GLIS3: variants seen among roughly 807,000 people sequenced by gnomAD.
The protein encoded by GLIS3 is zinc finger protein GLIS3.
In GLIS3, 53 loss-of-function variants were observed where a neutral mutation model predicts 78.6. The observed-to-expected ratio is 0.67, with a 90% CI of 0.54 to 0.85. GLIS3 has a LOEUF of 0.85. Among genes scored for constraint, GLIS3 ranks in the 40% least tolerant of loss-of-function variants. The probability of loss-of-function intolerance (pLI) is 0.00; values close to 1 mark genes in which losing one functional copy is unlikely to be tolerated. For missense variants in GLIS3, 1,703 were observed against 1,231.1 expected (o/e 1.38, Z -5.74); for synonymous variants, 684 against 509.9 (o/e 1.34, Z -4.60).
intron 2 of GLIS3, among the ~76,000 whole-genome samples, chr9:4,220,433 T>C (rs568590420): frequency 6.6e-6 from 1 of 152,318 alleles, no homozygotes; most frequent in Admixed American, 6.5e-5. Flanking sequence ...GCACACAGTA[T>C]CTTAGCCAAG....
In GLIS3 at chr9:4,059,316, C is replaced by A. The variant is rs534861188; in HGVS notation, c.1710+58452G>T. On this transcript the variant is annotated intron_variant, in intron 4 of 10. Transcript: ENST00000381971. ...CTGCTTTTTAAGTCATTAAAATATT[C>A]TCTTTGTTCTCCACTACACTCCTGG... is the stretch of plus-strand genomic sequence containing the variant. Among the ~76,000 whole-genome samples the A allele has an allele frequency of 1.6e-3, 249 of 151,216 alleles. 1 individual carries two copies. Among genetic ancestry groups the A allele is most frequent in the African/African-American group, 5.9e-3 (237 of 40,498 alleles).
rs533335260 is a variant in GLIS3, at chr9:4,263,390, C to A, written c.388+22648G>T. Among the ~76,000 whole-genome samples the A allele has an allele frequency of 2.5e-4, 38 of 152,056 alleles. 1 individual carries two copies. The highest frequency in any genetic ancestry group is 8.0e-4 in the African/African-American group (33 of 41,476). Reference sequence around the variant, plus strand: ...TTGACATGTGAGATAAATGTTGAACCAAATACAGACTAACAGAGAAAGAAG... The same window carrying A: ...TTGACATGTGAGATAAATGTTGAACAAAATACAGACTAACAGAGAAAGAAG... On this transcript the variant is annotated intron_variant, in intron 2 of 10. Coordinates refer to ENST00000381971, the MANE Select transcript of GLIS3 (RefSeq NM_001042413.2).
intron 2 of GLIS3, among the ~76,000 whole-genome samples, chr9:4,208,682 G>C (rs1173781437): frequency 2.6e-5 from 4 of 152,166 alleles, no homozygotes; most frequent in Admixed American, 1.3e-4. Flanking sequence ...AGAATAATTT[G>C]AAAAACCCTG....
intron 2 of GLIS3, among the ~76,000 whole-genome samples, chr9:4,135,146 C>T (rs1026736387): frequency 2.0e-5 from 3 of 152,180 alleles, no homozygotes; most frequent in African/African-American, 7.2e-5. Flanking sequence ...TAGCTTAACA[C>T]ATGTCAAAGC....
intron 9 of GLIS3, among the ~76,000 whole-genome samples, chr9:3,848,165 T>C (rs1371619354): frequency 1.3e-5 from 2 of 152,232 alleles, no homozygotes; most frequent in Non-Finnish European, 2.9e-5. Context: ...TATGATGAAA[T>C]TTTCTGTGGG....
the GLIS3 span, among the ~76,000 whole-genome samples, chr9:4,479,801 C>T: frequency 6.6e-6 from 1 of 152,052 alleles, no homozygotes; most frequent in Non-Finnish European, 1.5e-5. Flanking sequence ...ACATACACTC[C>T]TTCCTGGATG....
rs547875472 is a variant in GLIS3, at chr9:4,165,068, C to G, written c.389-39127G>C. On this transcript the variant is annotated intron_variant, in intron 2 of 10. Coordinates refer to ENST00000381971, the MANE Select transcript of GLIS3 (RefSeq NM_001042413.2). ...TGTTTCATCCACACTGTGAGAGGCTCTAACATACTTTGAGGGTCCACAGAT... is the reference window on the plus strand; with the variant it reads ...TGTTTCATCCACACTGTGAGAGGCTGTAACATACTTTGAGGGTCCACAGAT... 5.9e-5 allele frequency among the ~76,000 whole-genome samples: 9 copies of G among 152,242 alleles called. No individual in the cohort carries two copies. The South Asian group carries it at 1.0e-3, about 18-fold the overall frequency.
intron 3 of GLIS3, chr9:4,123,614 G>A (rs1237747862): frequency 1.9e-5 from 7 of 372,266 alleles, no homozygotes; most frequent in Non-Finnish European, 2.4e-5. Flanking sequence ...ATATGATGTT[G>A]AAAGAGGCTT....
intron 4 of GLIS3, among the ~76,000 whole-genome samples, chr9:3,991,753 G>C (rs576023484): frequency 0.012 from 1,710 of 142,892 alleles, 28 homozygotes; most frequent in African/African-American, 0.034. Flanking sequence ...TGCAGTGGTG[G>C]GATCTCGGCT....
chr9:4,286,210 G>T lies in GLIS3; in HGVS notation c.216C>A (p.Asn72Lys), dbSNP rs1827979775. The T allele has an allele frequency of 6.2e-7, 1 of 1,614,230 alleles. No individual in the cohort carries two copies. The highest frequency in any genetic ancestry group is 1.3e-5 in the African/African-American group (1 of 75,062). ...GATGGATGCGGCTCTCAGCCACGTT[G>T]TTCTGAGGAGCCATCCCTCCTCCTG... is the stretch of plus-strand genomic sequence containing the variant. The part of the protein sequence containing the change: ...MPSGGGMAPQ[N>K]NVAESRIHLP... The change falls in exon 2 of 11, where the codon AAC becomes AAA. Residue 72 changes from asparagine (N) to lysine (K), a missense_variant. Asn to Lys is a moderately conservative substitution (Grantham distance 94). Coordinates refer to ENST00000381971, the MANE Select transcript of GLIS3 (RefSeq NM_001042413.2).
intron 4 of GLIS3, among the ~76,000 whole-genome samples, chr9:4,019,046 G>C (rs1822659591): frequency 6.6e-6 from 1 of 152,210 alleles, no homozygotes; most frequent in African/African-American, 2.4e-5. Context: ...CGTGAGTCAA[G>C]CACCTGGCAC....
intron 4 of GLIS3, among the ~76,000 whole-genome samples, chr9:4,094,160 G>A (rs772117521): frequency 6.6e-6 from 1 of 152,214 alleles, no homozygotes; most frequent in Non-Finnish European, 1.5e-5. Context: ...GTGGAACATG[G>A]AAGAGAAGAG....
At chr9:4,418,514 C>T in the GLIS3 span, among the ~76,000 whole-genome samples, 1 of 152,260 alleles carries the variant, frequency 6.6e-6, no homozygotes, top group East Asian at 1.9e-4. Flanking sequence ...GGCTGGCCAA[C>T]ATGGTGAAGC....
At chr9:4,186,135 T>A (rs941534370) in intron 2 of GLIS3, among the ~76,000 whole-genome samples, 1 of 150,410 alleles carries the variant, frequency 6.6e-6, no homozygotes, top group Non-Finnish European at 1.5e-5. Flanking sequence ...TATCTCCTAA[T>A]GCTATCCCTC....
intron 2 of GLIS3, among the ~76,000 whole-genome samples, chr9:4,280,147 A>G (rs1827414102): frequency 6.6e-6 from 1 of 152,146 alleles, no homozygotes; most frequent in Non-Finnish European, 1.5e-5. Flanking sequence ...GGCCTCCCGC[A>G]TAGCTGCGTC....
intron 2 of GLIS3, chr9:4,147,762 G>A (rs1834341196): frequency 1.3e-5 from 2 of 151,030 alleles, no homozygotes; most frequent in South Asian, 2.1e-4. Context: ...GCAGGTGGGT[G>A]AACTCACCCA....
intron 6 of GLIS3, among the ~76,000 whole-genome samples, chr9:3,931,278 C>G (rs1231168418): frequency 6.6e-6 from 1 of 151,656 alleles, no homozygotes; most frequent in African/African-American, 2.4e-5. Flanking sequence ...TAACACTTCT[C>G]AAGGAAGAAA....
At chr9:4,003,883 T>C (rs1464688188) in intron 4 of GLIS3, among the ~76,000 whole-genome samples, 15 of 152,240 alleles carry the variant, frequency 9.9e-5, no homozygotes, top group Admixed American at 9.2e-4. Context: ...TTGAGATTTG[T>C]TAAATTTATT....
chr9:4,227,160 C>A (rs1293136067), intron 2 of GLIS3, among the ~76,000 whole-genome samples: 3 of 152,114 alleles, frequency 2.0e-5, no homozygotes, highest in Non-Finnish European at 2.9e-5. Context: ...GCTGCAGCAA[C>A]TGGCAACCTA....
Sources: allele counts gnomAD v4.1 joint callset (sites outside exome capture counted in the v4.1 genomes callset), GRCh38; gene constraint gnomAD v4.1.1; transcripts MANE v1.5; gene names NCBI Gene and HGNC (gene_info 2026-07-23, HGNC 2026-07-21).